Variants in PSMD9 observed in about 807,000 individuals in gnomAD.
The protein encoded by PSMD9 is proteasome 26S subunit, non-ATPase 9, also known as 26S proteasome non-ATPase regulatory subunit 9.
Under a neutral mutation model 25.9 loss-of-function variants are expected in PSMD9, and 26 were observed. The observed-to-expected ratio is 1.00, with a 90% CI of 0.73 to 1.39. PSMD9 has a LOEUF of 1.39. Among genes scored for constraint, PSMD9 ranks in the 40% most tolerant of loss-of-function variants. The pLI, the probability that PSMD9 is intolerant of heterozygous loss-of-function variation, is 0.00. For missense variants in PSMD9, 303 were observed against 299.3 expected, an observed-to-expected ratio of 1.01 and a Z score of -0.09; for synonymous variants, 110 against 114.5, an observed-to-expected ratio of 0.96 and a Z score of 0.25.
intron 4 of PSMD9, among the ~76,000 whole-genome samples, chr12:121,910,643 C>A (rs891196731): frequency 1.3e-5 from 2 of 150,752 alleles, no homozygotes; most frequent in Non-Finnish European, 1.5e-5. Context: ...GCCTGTAATC[C>A]CAGTTACTCT....
intron 4 of PSMD9, among the ~76,000 whole-genome samples, chr12:121,904,489 G>A (rs554176620): frequency 4.7e-5 from 7 of 150,308 alleles, no homozygotes; most frequent in Admixed American, 3.3e-4. Context: ...AAGGAGAATC[G>A]CTTGAACCCA....
At chr12:121,905,343 C>A (rs1278447649) in intron 4 of PSMD9, among the ~76,000 whole-genome samples, 1 of 150,232 alleles carries the variant, frequency 6.7e-6, no homozygotes, top group Non-Finnish European at 1.5e-5. Context: ...CCTGCCTCAG[C>A]CTCCCGAGTA....
At chr12:121,915,774 A>C (rs1879878405) in intron 4 of PSMD9, 82 bp from the exon 5 acceptor site, 2 of 1,216,600 alleles carry the variant, frequency 1.6e-6, no homozygotes, top group Non-Finnish European at 2.3e-6. Context: ...TTTGATAGGC[A>C]AAAAATGGGA....
intron 4 of PSMD9, among the ~76,000 whole-genome samples, chr12:121,912,472 T>C (rs1173234714): frequency 6.6e-6 from 1 of 152,188 alleles, no homozygotes; most frequent in East Asian, 1.9e-4. Flanking sequence ...CAGTGTGTGG[T>C]AGAATCTCAT....
In PSMD9 at chr12:121,888,824, C is replaced by T. The variant is rs377666528; in HGVS notation, c.-33C>T. ...TGGGGCGTCGTCCCTAGCCCGGGAG[C>T]CGGGTCTCTGGAGTCGCGGCCCGGG... is the stretch of plus-strand genomic sequence containing the variant. On this transcript the variant is annotated 5_prime_UTR_variant, in exon 1 of 6. Transcript: ENST00000541212. The T allele has an allele frequency of 1.4e-5, 23 of 1,588,868 alleles. No homozygotes were observed. The Admixed American group carries it at 3.5e-4, about 24-fold the overall frequency.
chr12:121,889,736 G>A (rs1388743463), intron 1 of PSMD9, among the ~76,000 whole-genome samples: 1 of 152,156 alleles, frequency 6.6e-6, no homozygotes, highest in African/African-American at 2.4e-5. Context: ...CCCAGAGTGG[G>A]GCAAACGCCT....
chr12:121,917,399 A>G lies in PSMD9; in HGVS notation c.*1088A>G, dbSNP rs1879948586. The G allele has an allele frequency of 6.6e-6, 1 of 152,254 alleles. No individual in the cohort carries two copies. Among genetic ancestry groups the G allele is most frequent in the South Asian group, 2.1e-4 (1 of 4,836 alleles). 9.4% of individuals were successfully genotyped at this position (152,254 alleles called of 1,614,324 possible). A position where few individuals can be genotyped will look rare whatever the true frequency, so the allele number is the denominator to read the frequency against. ...AACGAGTAGATCAGACCTCTTGAAAATGCTTATTCTTCCTCCCTTTTATTT... is the reference window on the plus strand; with the variant it reads ...AACGAGTAGATCAGACCTCTTGAAAGTGCTTATTCTTCCTCCCTTTTATTT... On this transcript the variant is annotated 3_prime_UTR_variant, in exon 6 of 6. Transcript: ENST00000541212.
chr12:121,901,497 T>C (rs914411636), intron 3 of PSMD9, among the ~76,000 whole-genome samples: 5 of 151,794 alleles, frequency 3.3e-5, no homozygotes, highest in East Asian at 1.9e-4. Context: ...TGTAGGCACA[T>C]GTAACCATGC....
At chr12:121,895,818 A>T (rs1253800635) in intron 2 of PSMD9, among the ~76,000 whole-genome samples, 5 of 152,208 alleles carry the variant, frequency 3.3e-5, no homozygotes, top group Non-Finnish European at 7.3e-5. Context: ...CTCTTTTGCC[A>T]TGTAAGGTGG....
chr12:121,899,852 C>G lies in PSMD9; in HGVS notation c.453+7C>G. The G allele has an allele frequency of 6.2e-7, 1 of 1,613,862 alleles. No individual in the cohort carries two copies. The highest frequency in any genetic ancestry group is 8.5e-7 in the Non-Finnish European group (1 of 1,179,860). Reference sequence around the variant, plus strand: ...CTCCCCAGCCAGCATCGCGGTAATCCAGGGGTTGGCCACTCAAGTCCATGC... The same window carrying G: ...CTCCCCAGCCAGCATCGCGGTAATCGAGGGGTTGGCCACTCAAGTCCATGC... On this transcript the variant is annotated splice_region_variant and intron_variant, in intron 3 of 5. Coordinates refer to ENST00000541212, the MANE Select transcript of PSMD9 (RefSeq NM_002813.7).
chr12:121,897,007 C>T (rs1245163388), intron 2 of PSMD9, among the ~76,000 whole-genome samples: 1 of 151,722 alleles, frequency 6.6e-6, no homozygotes, highest in Non-Finnish European at 1.5e-5. Flanking sequence ...AAAATATACA[C>T]ATGCGTGTAT....
intron 4 of PSMD9, among the ~76,000 whole-genome samples, chr12:121,912,029 A>ATTTATTTATTTATTTATTTATTTT (rs1879739387): frequency 6.8e-6 from 1 of 147,804 alleles, no homozygotes; most frequent in Non-Finnish European, 1.5e-5. Flanking sequence ...TTATTTATTT[A>ATTTATTTATTTATTTATTTATTTT]TTTATTTATT....
At chr12:121,907,051 T>G (rs1879581348) in intron 4 of PSMD9, among the ~76,000 whole-genome samples, 1 of 152,024 alleles carries the variant, frequency 6.6e-6, no homozygotes, top group Non-Finnish European at 1.5e-5. Flanking sequence ...TTAACACTCT[T>G]GCAGATGGAT....
At chr12:121,899,873 C>G in intron 3 of PSMD9, 28 bp downstream of exon 3, 1 of 1,613,150 alleles carries the variant, frequency 6.2e-7, no homozygotes, top group Non-Finnish European at 8.5e-7. Context: ...CACTCAAGTC[C>G]ATGCCCAGGG....
At chr12:121,915,968 T>G in intron 5 of PSMD9, 24 bp downstream of exon 5, 2 of 1,599,486 alleles carry the variant, frequency 1.3e-6, no homozygotes, top group Non-Finnish European at 1.7e-6. Context: ...TTCTGTTCAT[T>G]CTCACTGGGG....
At chr12:121,899,315 C>A in intron 2 of PSMD9, 1 of 326,494 alleles carries the variant, frequency 3.1e-6, no homozygotes, top group Non-Finnish European at 5.8e-6. Context: ...CTTCTGCTCA[C>A]CTCTCAGGGC....
rs182080274 is a variant in PSMD9, at chr12:121,898,501, C to T, written c.242-1133C>T. The T allele has an allele frequency of 4.8e-3, 730 of 152,262 alleles. 3 individuals carry two copies. The highest frequency in any genetic ancestry group is 8.5e-3 in the Non-Finnish European group (581 of 68,054). 9.4% of individuals were successfully genotyped at this position (152,262 alleles called of 1,614,324 possible). On this transcript the variant is annotated intron_variant, in intron 2 of 5. Transcript: ENST00000541212. The stretch of plus-strand genomic sequence containing the variant: ...GGCCACCTCCCTGTGGACTCCCTCT[C>T]CTGGACTGAATGTCTCCAGGATTAC...
chr12:121,916,117 AG>A, intron 5 of PSMD9, 166 bp from the exon 6 acceptor site: 1 of 1,153,000 alleles, frequency 8.7e-7, no homozygotes, highest in Non-Finnish European at 1.3e-6. Flanking sequence ...CTAGAAGCAG[AG>A]GGAGCCCCAG....
At chr12:121,914,878 A>C (rs1879849028) in intron 4 of PSMD9, 1 of 152,130 alleles carries the variant, frequency 6.6e-6, no homozygotes. Flanking sequence ...ATACATACGC[A>C]TGGTTAAAAA....
Sources: gnomAD v4.1 joint callset for allele counts (sites outside exome capture counted in the v4.1 genomes callset) on GRCh38, gnomAD v4.1.1 for gene constraint, MANE v1.5 for transcripts, NCBI Gene and HGNC (gene_info 2026-07-23, HGNC 2026-07-21) for gene names.